Variants in CFAP299 observed in about 807,000 individuals in gnomAD.
CFAP299 encodes cilia and flagella associated protein 299, also known as cilia- and flagella-associated protein 299.
Under a neutral mutation model 27.0 loss-of-function variants are expected in CFAP299, and 21 were observed. The ratio of observed to expected loss-of-function variants is 0.78; its 90% confidence interval spans 0.55 to 1.12. The LOEUF (loss-of-function observed/expected upper bound fraction) is 1.12. Among genes scored for constraint, CFAP299 ranks in the 50% most tolerant of loss-of-function variants. The pLI, the probability that CFAP299 is intolerant of heterozygous loss-of-function variation, is 0.00. For synonymous variants in CFAP299, 104 were observed against 98.1 expected (o/e 1.06, Z -0.36); for missense variants, 310 against 276.6 (o/e 1.12, Z -0.86).
chr4:80,518,241 A>C (rs1020184644), intron 2 of CFAP299, among the ~76,000 whole-genome samples: 1 of 152,134 alleles, frequency 6.6e-6, no homozygotes, highest in Admixed American at 6.5e-5. Context: ...CCTTCAATTA[A>C]TGTGGTGAAA....
At chr4:80,830,547 C>G (rs1369790975) in intron 3 of CFAP299, among the ~76,000 whole-genome samples, 2 of 151,954 alleles carry the variant, frequency 1.3e-5, no homozygotes, top group African/African-American at 2.4e-5. Flanking sequence ...AGACAAGATT[C>G]TAGGCTTCGG....
intron 1 of CFAP299, among the ~76,000 whole-genome samples, chr4:80,361,154 T>C (rs1723524581): frequency 6.6e-6 from 1 of 152,226 alleles, no homozygotes; most frequent in Non-Finnish European, 1.5e-5. Flanking sequence ...ACTTTCAGTT[T>C]ATTTTCTCAA....
chr4:80,826,343 C>G (rs1292432744), intron 3 of CFAP299, among the ~76,000 whole-genome samples: 2 of 151,432 alleles, frequency 1.3e-5, no homozygotes, highest in African/African-American at 2.4e-5. Flanking sequence ...CAACAATTAT[C>G]AAAAGGACAG....
At chr4:80,596,857 TTAAAC>T (rs1295176521) in intron 3 of CFAP299, among the ~76,000 whole-genome samples, 1 of 152,224 alleles carries the variant, frequency 6.6e-6, no homozygotes, top group Non-Finnish European at 1.5e-5. Flanking sequence ...TTCTGACTTT[TTAAAC>T]TAAATATTTT....
At chr4:80,832,715 G>A (rs560990096) in intron 3 of CFAP299, among the ~76,000 whole-genome samples, 18 of 151,948 alleles carry the variant, frequency 1.2e-4, no homozygotes, top group Non-Finnish European at 2.2e-4. Context: ...CAAAAGCTGA[G>A]GTCTCACTTA....
Position 80,499,827 on chromosome 4 carries a change from CTAAAG to C in CFAP299, c.243-83263_243-83259del, listed in dbSNP as rs1042235920. On this transcript the variant is annotated intron_variant, in intron 2 of 5. Coordinates refer to ENST00000358105, the MANE Select transcript of CFAP299 (RefSeq NM_152770.3). Reference sequence around the variant, plus strand: ...ACAACATTTCTTTGATTGAAATACTCTAAAGTACGGTAGCAAAATATATCTTATAT... The same window carrying C: ...ACAACATTTCTTTGATTGAAATACTCTACGGTAGCAAAATATATCTTATAT... Among the ~76,000 whole-genome samples, 16 of 152,208 alleles carry C rather than the reference CTAAAG, an allele frequency of 1.1e-4. 1 individual carries two copies. Among genetic ancestry groups the C allele is most frequent in the African/African-American group, 3.9e-4 (16 of 41,552 alleles).
At chr4:80,324,462 G>T in the CFAP299 span, among the ~76,000 whole-genome samples, 1 of 152,304 alleles carries the variant, frequency 6.6e-6, no homozygotes, top group East Asian at 1.9e-4. Context: ...TAAGCATGGT[G>T]CATTACACAT....
chr4:80,649,531 A>G (rs1291217215), intron 3 of CFAP299, among the ~76,000 whole-genome samples: 1 of 152,148 alleles, frequency 6.6e-6, no homozygotes, highest in African/African-American at 2.4e-5. Flanking sequence ...ATTTTCTGGC[A>G]GTTCTTGTTG....
chr4:80,704,401 T>C (rs1051583034), intron 3 of CFAP299, among the ~76,000 whole-genome samples: 16 of 151,614 alleles, frequency 1.1e-4, no homozygotes, highest in African/African-American at 3.4e-4. Flanking sequence ...CTGGAAGAGC[T>C]ATCACAGGAA....
chr4:80,949,148 C>T (rs933825167), intron 5 of CFAP299, among the ~76,000 whole-genome samples: 22 of 152,108 alleles, frequency 1.4e-4, no homozygotes, highest in African/African-American at 4.1e-4. Flanking sequence ...GATTAAATGA[C>T]TCACTGACAG....
intron 4 of CFAP299, chr4:80,871,095 C>A: frequency 1.9e-6 from 1 of 515,388 alleles, no homozygotes; most frequent in Non-Finnish European, 2.5e-6. Context: ...TTAGTAGAGA[C>A]AGGGTTCCAC....
chr4:80,791,839 GATATATATATATATAC>G (rs1297801717), intron 3 of CFAP299, among the ~76,000 whole-genome samples: 1 of 149,438 alleles, frequency 6.7e-6, no homozygotes, highest in Non-Finnish European at 1.5e-5. Flanking sequence ...CATATTGACA[GATATATATATATATAC>G]ATATATATAT....
chr4:80,483,487 T>C (rs1730665897), intron 2 of CFAP299, among the ~76,000 whole-genome samples: 1 of 152,204 alleles, frequency 6.6e-6, no homozygotes, highest in African/African-American at 2.4e-5. Context: ...CTTGATATCA[T>C]TCTCAATTTT....
chr4:80,479,017 T>C (rs755972808), intron 2 of CFAP299, among the ~76,000 whole-genome samples: 1 of 152,006 alleles, frequency 6.6e-6, no homozygotes, highest in Non-Finnish European at 1.5e-5. Flanking sequence ...TTTTAAAAGA[T>C]TAATTCCGTA....
chr4:80,754,699 C>A (rs1404801309), intron 3 of CFAP299, among the ~76,000 whole-genome samples: 1 of 151,928 alleles, frequency 6.6e-6, no homozygotes, highest in African/African-American at 2.4e-5. Context: ...TCTGTGGTTT[C>A]CAAGTGCTCT....
chr4:80,939,494 C>T (rs1378008663), intron 4 of CFAP299, among the ~76,000 whole-genome samples: 1 of 151,688 alleles, frequency 6.6e-6, no homozygotes, highest in Non-Finnish European at 1.5e-5. Context: ...TCATTGTAGT[C>T]TTCATCTTTA....
chr4:80,506,104 G>A (rs1181656838), intron 2 of CFAP299, among the ~76,000 whole-genome samples: 2 of 151,762 alleles, frequency 1.3e-5, no homozygotes. Flanking sequence ...ATTAGTGTGG[G>A]AGATGACATT....
chr4:80,509,324 A>T (rs1732187055), intron 2 of CFAP299, among the ~76,000 whole-genome samples: 1 of 152,206 alleles, frequency 6.6e-6, no homozygotes. Context: ...TTTTAGAGCA[A>T]GCTTGAGTAT....
intron 2 of CFAP299, among the ~76,000 whole-genome samples, chr4:80,379,892 C>T (rs1191483375): frequency 6.6e-6 from 1 of 152,020 alleles, no homozygotes; most frequent in Non-Finnish European, 1.5e-5. Flanking sequence ...TTTAGAATTA[C>T]TATTCTAAAA....
Sources: allele counts gnomAD v4.1 joint callset (sites outside exome capture counted in the v4.1 genomes callset), GRCh38; gene constraint gnomAD v4.1.1; transcripts MANE v1.5; gene names NCBI Gene and HGNC (gene_info 2026-07-23, HGNC 2026-07-21).